Variants in RNF130 observed in about 807,000 individuals in gnomAD.
RNF130 encodes ring finger protein 130, also known as E3 ubiquitin-protein ligase RNF130.
A neutral mutation model predicts 44.6 loss-of-function variants in RNF130; 21 were observed. The ratio of observed to expected loss-of-function variants is 0.47; its 90% confidence interval spans 0.33 to 0.68. The LOEUF is 0.68. RNF130 is among the 30% of genes least tolerant of loss of function. The pLI is 0.02. For missense variants in RNF130, 479 were observed against 560.6 expected, an observed-to-expected ratio of 0.85 and a Z score of 1.47; for synonymous variants, 214 against 210.4, an observed-to-expected ratio of 1.02 and a Z score of -0.15.
At position 180,030,700 on chromosome 5, in the gene RNF130, T is replaced by G. The variant is rs533995080; in HGVS notation, c.442+9753A>C. On this transcript the variant is annotated intron_variant, in intron 2 of 8. Transcript: ENST00000521389. Reference sequence around the variant, plus strand: ...TCATGCTCACTGCAATTAATCTTCATGCCCAGCTCTACCCTACACAGCCAC... The same window carrying G: ...TCATGCTCACTGCAATTAATCTTCAGGCCCAGCTCTACCCTACACAGCCAC... Among the ~76,000 whole-genome samples, 3 of 152,320 alleles carry G rather than the reference T, an allele frequency of 2.0e-5. No homozygotes were observed. In the Middle Eastern group the frequency reaches 0.01, roughly 518 times the overall value.
chr5:179,953,207 C>T (rs1050183538), downstream of RNF130, among the ~76,000 whole-genome samples: 4 of 151,838 alleles, frequency 2.6e-5, no homozygotes, highest in East Asian at 1.9e-4. Flanking sequence ...ACATGTGGAA[C>T]GATATCCCAT....
intron 3 of RNF130, among the ~76,000 whole-genome samples, chr5:180,006,803 C>T (rs1411327687): frequency 6.6e-6 from 1 of 152,134 alleles, no homozygotes; most frequent in African/African-American, 2.4e-5. Context: ...ATAAAGGTAA[C>T]AAACATCTAC....
At chr5:179,945,159 C>T (rs1255964000) in intron 7 of RNF130, among the ~76,000 whole-genome samples, 2 of 152,164 alleles carry the variant, frequency 1.3e-5, no homozygotes, top group South Asian at 2.1e-4. Context: ...GAAACAGGAA[C>T]GGCCACTGGA....
chr5:180,024,426 T>C (rs1344576240), intron 2 of RNF130, among the ~76,000 whole-genome samples: 2 of 152,164 alleles, frequency 1.3e-5, no homozygotes, highest in Non-Finnish European at 2.9e-5. Context: ...TTTCCATAAA[T>C]GTAAAACAGT....
intron 2 of RNF130, among the ~76,000 whole-genome samples, chr5:180,029,049 G>A (rs1045191844): frequency 7.9e-5 from 12 of 152,130 alleles, no homozygotes; most frequent in Admixed American, 4.6e-4. Flanking sequence ...TCCGTTACCC[G>A]AAATCACAAA....
At chr5:180,050,756 T>G (rs1764670007) in intron 1 of RNF130, among the ~76,000 whole-genome samples, 1 of 152,236 alleles carries the variant, frequency 6.6e-6, no homozygotes. Context: ...AAGTAAAAAA[T>G]TCCAGACTGT....
In RNF130 at chr5:180,060,942, G is replaced by A. The variant is rs1228003879; in HGVS notation, c.247+10514C>T. On this transcript the variant is annotated intron_variant, in intron 1 of 8. Coordinates refer to ENST00000521389, the MANE Select transcript of RNF130 (RefSeq NM_018434.6). ...AAATTAGCTGGGCGAGGTAGTGGGC[G>A]CCTGTAGTCCCAGCTACGCGGGAGG... Among the ~76,000 whole-genome samples, 5 of 152,002 alleles carry A rather than the reference G, an allele frequency of 3.3e-5. No homozygotes were observed. The East Asian group carries it at 5.8e-4, about 18-fold the overall frequency.
chr5:179,963,350 T>C (rs1021139421), intron 8 of RNF130, 121 bp downstream of exon 8: 39 of 701,912 alleles, frequency 5.6e-5, no homozygotes, highest in Non-Finnish European at 6.9e-5. Flanking sequence ...CTAGATACGA[T>C]CCCATCAGGA....
chr5:180,015,982 CT>C (rs1398996039), intron 2 of RNF130, among the ~76,000 whole-genome samples: 1 of 152,184 alleles, frequency 6.6e-6, no homozygotes, highest in Non-Finnish European at 1.5e-5. Flanking sequence ...ATTACCTGCT[CT>C]TGATGCAAAA....
chr5:180,030,169 T>C (rs1389577881), intron 2 of RNF130, among the ~76,000 whole-genome samples: 1 of 152,142 alleles, frequency 6.6e-6, no homozygotes, highest in African/African-American at 2.4e-5. Context: ...AATACCATTC[T>C]ATCCTTATAT....
At chr5:180,021,132 A>AT (rs1037039871) in intron 2 of RNF130, among the ~76,000 whole-genome samples, 6 of 151,874 alleles carry the variant, frequency 4.0e-5, no homozygotes, top group African/African-American at 9.7e-5. Flanking sequence ...AACCCGGCTC[A>AT]TTTTTTTGTA....
chr5:180,039,303 G>A (rs866496441), intron 2 of RNF130, among the ~76,000 whole-genome samples: 2 of 151,650 alleles, frequency 1.3e-5, no homozygotes, highest in Non-Finnish European at 2.9e-5. Context: ...GCAGTGGTGT[G>A]ATCTCAGCTC....
chr5:179,996,279 C>T (rs1372742869), intron 3 of RNF130, among the ~76,000 whole-genome samples: 1 of 152,186 alleles, frequency 6.6e-6, no homozygotes, highest in African/African-American at 2.4e-5. Flanking sequence ...TGTATATACA[C>T]AGAACTGATT....
At chr5:179,916,196 A>G (rs1344620368) in exon 8 of RNF130, 3 of 152,144 alleles carry the variant, frequency 2.0e-5, no homozygotes, top group African/African-American at 7.2e-5. Context: ...TCAATAATAA[A>G]GGTTAACGGC....
At chr5:180,042,868 G>C (rs1389017173) in intron 1 of RNF130, among the ~76,000 whole-genome samples, 1 of 152,182 alleles carries the variant, frequency 6.6e-6, no homozygotes, top group Non-Finnish European at 1.5e-5. Flanking sequence ...ACATAGTTAT[G>C]GAATCAGCAA....
At position 180,055,451 on chromosome 5, in the gene RNF130, T is replaced by TGTGTGC. The variant is rs1561709804; in HGVS notation, c.248-14805_248-14804insGCACAC. Among the ~76,000 whole-genome samples, 365 of 151,106 alleles carry TGTGTGC rather than the reference T, an allele frequency of 2.4e-3. 4 individuals are homozygous for TGTGTGC. In the East Asian group the frequency reaches 0.035, roughly 14 times the overall value. The stretch of plus-strand genomic sequence containing the variant: ...AATGTCAGATGACTTTGTGTGTGTG[T>TGTGTGC]GCGTGTGTGTGTGTGTGTGCGCGCG... On this transcript the variant is annotated intron_variant, in intron 1 of 8. Coordinates refer to ENST00000521389, the MANE Select transcript of RNF130 (RefSeq NM_018434.6).
intron 7 of RNF130, among the ~76,000 whole-genome samples, chr5:179,928,774 G>A (rs975746362): frequency 4.0e-5 from 6 of 151,774 alleles, no homozygotes; most frequent in South Asian, 2.1e-4. Flanking sequence ...GACTACAGGC[G>A]CCCACCACCA....
chr5:180,065,206 CCT>C (rs1483773219), intron 1 of RNF130, among the ~76,000 whole-genome samples: 3 of 152,032 alleles, frequency 2.0e-5, no homozygotes, highest in East Asian at 1.9e-4. Context: ...AACTTTTCCC[CCT>C]GTCCTTTCAT....
In RNF130 at chr5:179,929,515, A is replaced by C. The variant is rs184544666; in HGVS notation, c.1151-9089T>G. Among the ~76,000 whole-genome samples the C allele has an allele frequency of 3.4e-3, 523 of 152,310 alleles. 4 individuals are homozygous for C. Among genetic ancestry groups the C allele is most frequent in the African/African-American group, 0.012 (500 of 41,564 alleles). On this transcript the variant is annotated intron_variant, in intron 7 of 7. Transcript: ENST00000522208. ...GTAATCTCAGCACTTTAGGAGGCCA[A>C]GGTGGGAGGACTGCTTGAGCCCAGG...
Sources: gnomAD v4.1 joint callset for allele counts (sites outside exome capture counted in the v4.1 genomes callset) on GRCh38, gnomAD v4.1.1 for gene constraint, MANE v1.5 for transcripts, NCBI Gene and HGNC (gene_info 2026-07-23, HGNC 2026-07-21) for gene names.